The following ATP8A2 variants were observed in gnomAD, a reference collection of about 807,000 sequenced individuals.
ATP8A2 encodes the protein phospholipid-transporting ATPase IB.
Under a neutral mutation model 165.6 loss-of-function variants are expected in ATP8A2, and 100 were observed. That is an observed-to-expected ratio of 0.60 (90% CI 0.51 to 0.71). ATP8A2 has a LOEUF of 0.71. Ranked by LOEUF, ATP8A2 falls within the 30% of genes least tolerant of loss-of-function variation. The pLI, the probability that ATP8A2 is intolerant of heterozygous loss-of-function variation, is 0.00. For missense variants in ATP8A2, 1,227 were observed against 1,479.5 expected (o/e 0.83, Z 2.80); for synonymous variants, 543 against 548.8 (o/e 0.99, Z 0.15).
chr13:25,557,699 T>C (rs1369501898), intron 13 of ATP8A2, among the ~76,000 whole-genome samples: 2 of 152,174 alleles, frequency 1.3e-5, no homozygotes, highest in African/African-American at 2.4e-5. Context: ...TGTTTGCAGG[T>C]GTCATTGAAC....
chr13:25,918,349 T>C (rs975200519), intron 33 of ATP8A2, among the ~76,000 whole-genome samples: 3 of 152,198 alleles, frequency 2.0e-5, no homozygotes, highest in Non-Finnish European at 4.4e-5. Flanking sequence ...GTGTGATAGT[T>C]GTTGATTGGG....
chr13:25,532,660 TTTTG>T (rs1477901357), intron 5 of ATP8A2, among the ~76,000 whole-genome samples: 11 of 152,226 alleles, frequency 7.2e-5, no homozygotes, highest in Admixed American at 1.3e-4. Flanking sequence ...AACATCAATT[TTTTG>T]TTTGTTTGTT....
chr13:25,982,586 T>C (rs1284149474), intron 35 of ATP8A2, among the ~76,000 whole-genome samples: 2 of 152,230 alleles, frequency 1.3e-5, no homozygotes, highest in African/African-American at 4.8e-5. Flanking sequence ...TGGCCACACA[T>C]TTCTGCTCCA....
intron 1 of ATP8A2, among the ~76,000 whole-genome samples, chr13:25,445,575 G>A (rs2138214229): frequency 6.6e-6 from 1 of 152,234 alleles, no homozygotes; most frequent in Middle Eastern, 3.4e-3. Flanking sequence ...AAAAATTTTA[G>A]CCAAAATATA....
intron 2 of ATP8A2, among the ~76,000 whole-genome samples, chr13:25,481,909 A>G (rs962939134): frequency 2.0e-5 from 3 of 152,056 alleles, no homozygotes; most frequent in African/African-American, 7.2e-5. Context: ...TCTAATCCTA[A>G]TTATCTCCAA....
chr13:25,496,574 A>G (rs550252689), intron 2 of ATP8A2, among the ~76,000 whole-genome samples: 6 of 152,340 alleles, frequency 3.9e-5, no homozygotes, highest in Middle Eastern at 3.4e-3. Context: ...AAAACAAAAT[A>G]CATGTGAACA....
intron 24 of ATP8A2, among the ~76,000 whole-genome samples, chr13:25,602,123 T>C (rs1277918436): frequency 6.6e-6 from 1 of 152,234 alleles, no homozygotes; most frequent in African/African-American, 2.4e-5. Flanking sequence ...AGTAAGATTG[T>C]GGTATACTAG....
intron 35 of ATP8A2, among the ~76,000 whole-genome samples, chr13:25,980,418 C>A (rs189715191): frequency 6.6e-6 from 1 of 152,076 alleles, no homozygotes; most frequent in Non-Finnish European, 1.5e-5. Flanking sequence ...GGGGAAGGAA[C>A]GTTCCAGGCA....
At chr13:25,407,458 A>G (rs564083639) in intron 1 of ATP8A2, among the ~76,000 whole-genome samples, 57 of 152,336 alleles carry the variant, frequency 3.7e-4, no homozygotes, top group African/African-American at 1.3e-3. Context: ...TGCATCAGGT[A>G]TGGTAATACT....
chr13:25,632,246 T>C (rs923908468), intron 24 of ATP8A2, among the ~76,000 whole-genome samples: 12 of 94,528 alleles, frequency 1.3e-4, no homozygotes, highest in Non-Finnish European at 2.8e-4. Context: ...TTTTTGGGGC[T>C]TTTATGGAGG....
At chr13:25,415,651 C>T (rs116922114) in intron 1 of ATP8A2, among the ~76,000 whole-genome samples, 8 of 152,300 alleles carry the variant, frequency 5.3e-5, no homozygotes, top group Non-Finnish European at 8.8e-5. Flanking sequence ...CTTGCACACG[C>T]GCACACTGGC....
intron 1 of ATP8A2, among the ~76,000 whole-genome samples, chr13:25,382,135 C>T (rs1039756782): frequency 2.6e-5 from 4 of 152,348 alleles, no homozygotes; most frequent in Admixed American, 2.0e-4. Flanking sequence ...TTACTGTCTC[C>T]ATAGTTACAG....
At chr13:25,734,717 C>T (rs1185311596) in intron 25 of ATP8A2, among the ~76,000 whole-genome samples, 1 of 152,182 alleles carries the variant, frequency 6.6e-6, no homozygotes, top group Non-Finnish European at 1.5e-5. Context: ...CAGCTCACTG[C>T]AACCCCCGGC....
chr13:25,850,268 A>G lies in ATP8A2; in HGVS notation c.2957-9927A>G, dbSNP rs572624058. ...AGGAAGAGCTTGGCTCTTGGAGAAC[A>G]CAGGTTTGGTGAGATCACATCTCTC... On this transcript the variant is annotated intron_variant, in intron 30 of 36. Transcript: ENST00000381655. Among the ~76,000 whole-genome samples, 4 of 152,304 alleles carry G rather than the reference A, an allele frequency of 2.6e-5. No homozygotes were observed. In the South Asian group the frequency reaches 8.3e-4, roughly 32 times the overall value.
chr13:25,498,583 A>G (rs1169186799), intron 2 of ATP8A2, among the ~76,000 whole-genome samples: 1 of 152,178 alleles, frequency 6.6e-6, no homozygotes, highest in African/African-American at 2.4e-5. Context: ...TAATCCTGTT[A>G]ATACCCTACC....
chr13:25,940,654 A>G (rs1955045045), intron 33 of ATP8A2, among the ~76,000 whole-genome samples: 2 of 152,120 alleles, frequency 1.3e-5, no homozygotes, highest in Non-Finnish European at 2.9e-5. Flanking sequence ...GCTGTCACCC[A>G]GGTTCTGGTC....
At chr13:25,955,293 A>G (rs1406237169) in intron 33 of ATP8A2, among the ~76,000 whole-genome samples, 1 of 152,206 alleles carries the variant, frequency 6.6e-6, no homozygotes, top group Non-Finnish European at 1.5e-5. Context: ...ACTGAAGGAA[A>G]TGGAGACATG....
intron 28 of ATP8A2, among the ~76,000 whole-genome samples, chr13:25,831,134 C>T (rs1442907264): frequency 6.6e-6 from 1 of 151,986 alleles, no homozygotes; most frequent in Non-Finnish European, 1.5e-5. Context: ...TATTTCTCTC[C>T]TGCTTTTTCT....
intron 2 of ATP8A2, among the ~76,000 whole-genome samples, chr13:25,508,089 C>T (rs2037108181): frequency 6.6e-6 from 1 of 151,988 alleles, no homozygotes; most frequent in Non-Finnish European, 1.5e-5. Flanking sequence ...TAAAAAAAAA[C>T]TGTTAATATC....
Sources: gnomAD v4.1 joint callset for allele counts (sites outside exome capture counted in the v4.1 genomes callset) on GRCh38, gnomAD v4.1.1 for gene constraint, MANE v1.5 for transcripts, NCBI Gene and HGNC (gene_info 2026-07-23, HGNC 2026-07-21) for gene names.